ARSG: variants seen among roughly 807,000 people sequenced by gnomAD.
ARSG encodes arylsulfatase G.
ARSG carries 37 observed loss-of-function variants against 50.5 expected under a neutral mutation model. The observed-to-expected ratio is 0.73, with a 90% CI of 0.56 to 0.96. ARSG has a LOEUF of 0.96. ARSG is among the 50% of genes least tolerant of loss of function. The probability of loss-of-function intolerance (pLI) is 0.00; values close to 1 mark genes in which losing one functional copy is unlikely to be tolerated. For missense variants in ARSG, 629 were observed against 675.3 expected (o/e 0.93, Z 0.76); for synonymous variants, 225 against 254.6 (o/e 0.88, Z 1.11).
intron 11 of ARSG, among the ~76,000 whole-genome samples, chr17:68,418,444 GACA>G (rs71142172): frequency 0.21 from 32,560 of 152,058 alleles, 3,712 homozygotes; most frequent in Middle Eastern, 0.3. Flanking sequence ...TGTAGGCAAA[GACA>G]ACAACTATTA....
chr17:68,280,179 C>CAAAAAAAAAAAAAAAAA (rs58937538), intron 1 of ARSG, among the ~76,000 whole-genome samples: 1 of 87,568 alleles, frequency 1.1e-5, no homozygotes. Flanking sequence ...AACTCTGTCT[C>CAAAAAAAAAAAAAAAAA]AAAAAAAAAA....
At chr17:68,337,735 A>T (rs1295088124) in intron 2 of ARSG, among the ~76,000 whole-genome samples, 1 of 152,074 alleles carries the variant, frequency 6.6e-6, no homozygotes, top group East Asian at 1.9e-4. Context: ...CTCCTGCCTC[A>T]GCCTCCCGAG....
intron 2 of ARSG, among the ~76,000 whole-genome samples, chr17:68,328,390 G>C (rs1435535965): frequency 1.3e-5 from 2 of 152,114 alleles, no homozygotes; most frequent in East Asian, 3.9e-4. Flanking sequence ...GATAACTGAG[G>C]CTTAGATTGA....
intron 2 of ARSG, among the ~76,000 whole-genome samples, chr17:68,308,734 G>A (rs2076713039): frequency 6.6e-6 from 1 of 152,212 alleles, no homozygotes; most frequent in African/African-American, 2.4e-5. Context: ...GTGCTGATTG[G>A]TGTGTTTACA....
At chr17:68,291,472 G>A (rs1189739668), upstream of ARSG, 4 of 150,808 alleles carry the variant, frequency 2.7e-5, no homozygotes, top group Non-Finnish European at 5.9e-5. Context: ...CAGCCAAGGA[G>A]GGGGCCTGCC....
chr17:68,411,479 G>A (rs1014988857), intron 11 of ARSG, among the ~76,000 whole-genome samples: 3 of 152,144 alleles, frequency 2.0e-5, no homozygotes, highest in Non-Finnish European at 4.4e-5. Flanking sequence ...TTGCACTGTG[G>A]TCTGAGAGAT....
At chr17:68,276,510 A>G (rs1432976906) in intron 1 of ARSG, among the ~76,000 whole-genome samples, 1 of 152,130 alleles carries the variant, frequency 6.6e-6, no homozygotes, top group African/African-American at 2.4e-5. Flanking sequence ...ATGCAATGGC[A>G]TGATCATGGC....
chr17:68,307,606 T>C lies in ARSG; in HGVS notation c.113T>C (p.Phe38Ser), dbSNP rs782028966. 3.7e-6 allele frequency: 6 copies of C among 1,613,800 alleles called. No homozygotes were observed. Among genetic ancestry groups the C allele is most frequent in the Non-Finnish European group, 5.1e-6 (6 of 1,179,756 alleles). The change falls in exon 2 of 12, where the codon TTT (phenylalanine) becomes TCT (serine). Residue 38 changes from phenylalanine (F) to serine (S), a missense_variant. By Grantham distance (155) the Phe-to-Ser change is radical. Transcript: ENST00000621439. The stretch of plus-strand genomic sequence containing the variant: ...AAAACAAGAGGACAGAAGCCAAACT[T>C]TGTGATTATTTTGGCCGATGACATG... ...SGKTRGQKPNFVIILADDMGW... is the reference protein window; with the variant it reads ...SGKTRGQKPNSVIILADDMGW...
chr17:68,357,700 T>C (rs1223106952), intron 6 of ARSG, among the ~76,000 whole-genome samples: 1 of 152,204 alleles, frequency 6.6e-6, no homozygotes, highest in Non-Finnish European at 1.5e-5. Flanking sequence ...GGAAGCAGGA[T>C]GAACGTAAGG....
chr17:68,368,203 GTAAC>G (rs1331915554), intron 6 of ARSG, among the ~76,000 whole-genome samples: 5 of 152,182 alleles, frequency 3.3e-5, no homozygotes, highest in Admixed American at 1.3e-4. Flanking sequence ...ATTCGGACAT[GTAAC>G]TAATTGCATA....
At chr17:68,358,352 AG>A (rs2079127268) in intron 6 of ARSG, among the ~76,000 whole-genome samples, 1 of 152,132 alleles carries the variant, frequency 6.6e-6, no homozygotes, top group Non-Finnish European at 1.5e-5. Flanking sequence ...CAGGAATTCC[AG>A]ACTAGCCTGG....
In ARSG at chr17:68,347,014, CCA is replaced by C; in HGVS notation, c.407-108_407-107del. On this transcript the variant is annotated intron_variant, in intron 3 of 11. Transcript: ENST00000621439. ...CACATTGCAGCTTCTTTTGGCTTGT[CCA>C]CAGTGCGAGGCGAAGCTAATGGAGA... 8.3e-6 allele frequency: 13 copies of C among 1,560,394 alleles called. No individual in the cohort carries two copies. In the South Asian group the frequency reaches 1.3e-4, roughly 16 times the overall value.
chr17:68,379,927 G>C, intron 8 of ARSG: 13 of 928,380 alleles, frequency 1.4e-5, no homozygotes, highest in Non-Finnish European at 1.4e-5. Context: ...TTATATAACT[G>C]TTCCCACAGC....
At chr17:68,352,151 GAGAGAGAGAGACA>G (rs1568506973) in intron 5 of ARSG, among the ~76,000 whole-genome samples, 36,669 of 129,478 alleles carry the variant, frequency 0.28, 8,224 homozygotes, top group Middle Eastern at 0.39. Flanking sequence ...AGGAGAGAGA[GAGAGAGAGAGACA>G]GAGAGAGAGA....
At chr17:68,402,963 A>G (rs11077542) in intron 11 of ARSG, among the ~76,000 whole-genome samples, 32,720 of 152,222 alleles carry the variant, frequency 0.21, 3,722 homozygotes, top group Middle Eastern at 0.27. Flanking sequence ...AAAAAAAGGA[A>G]AACCTGTGAC....
chr17:68,384,005 C>T (rs2080573308), intron 8 of ARSG, among the ~76,000 whole-genome samples: 1 of 152,170 alleles, frequency 6.6e-6, no homozygotes. Flanking sequence ...GGGCCAGGGA[C>T]ATCAAAGGTT....
At chr17:68,297,201 A>T (rs1039659699) in intron 1 of ARSG, among the ~76,000 whole-genome samples, 4 of 152,238 alleles carry the variant, frequency 2.6e-5, no homozygotes, top group Non-Finnish European at 5.9e-5. Flanking sequence ...TCCATTTTCA[A>T]TTAACATCAA....
At chr17:68,272,646 G>A (rs143522620) in intron 1 of ARSG, 663 of 1,613,806 alleles carry the variant, frequency 4.1e-4, no homozygotes, top group Non-Finnish European at 5.1e-4. Context: ...TACCTGGTGC[G>A]AAAGCAAACA....
the ARSG span, among the ~76,000 whole-genome samples, chr17:68,444,939 GAGA>G: frequency 2.1e-5 from 1 of 48,468 alleles, no homozygotes; most frequent in Non-Finnish European, 4.2e-5. Context: ...TTTTTTTTTT[GAGA>G]AGGAGTCTCA....
Sources: allele counts gnomAD v4.1 joint callset (sites outside exome capture counted in the v4.1 genomes callset), GRCh38; gene constraint gnomAD v4.1.1; transcripts MANE v1.5; gene names NCBI Gene and HGNC (gene_info 2026-07-23, HGNC 2026-07-21).